Variants in CFAP251 observed in about 807,000 individuals in gnomAD.
CFAP251 encodes the protein cilia- and flagella-associated protein 251.
In CFAP251, 93 loss-of-function variants were observed where a neutral mutation model predicts 126.7. That is an observed-to-expected ratio of 0.73 (90% CI 0.62 to 0.87). The LOEUF is 0.87. CFAP251 is among the 40% of genes least tolerant of loss of function. The probability of loss-of-function intolerance (pLI) is 0.00; values close to 1 mark genes in which losing one functional copy is unlikely to be tolerated. For synonymous variants in CFAP251, 503 were observed against 506.9 expected (o/e 0.99, Z 0.10); for missense variants, 1,287 against 1,389.2 (o/e 0.93, Z 1.17).
Position 121,975,538 on chromosome 12 carries a change from A to G in CFAP251, c.2863-4A>G, listed in dbSNP as rs767490452. The G allele has an allele frequency of 4.4e-6, 7 of 1,608,498 alleles. No individual in the cohort carries two copies. Among genetic ancestry groups the G allele is most frequent in the East Asian group, 2.2e-5 (1 of 44,876 alleles). On this transcript the variant is annotated splice_polypyrimidine_tract_variant and splice_region_variant and intron_variant, in intron 18 of 21. Transcript: ENST00000288912. ...TGTTGTGTTTCCGTTGTATTCCTAC[A>G]TAGGAGCTAGAAGACTACTTCTACT...
chr12:121,963,404 G>A (rs1365757374), intron 15 of CFAP251, among the ~76,000 whole-genome samples: 1 of 151,942 alleles, frequency 6.6e-6, no homozygotes. Context: ...TTGGCATTCA[G>A]GTGGGAACCC....
intron 19 of CFAP251, among the ~76,000 whole-genome samples, chr12:121,984,003 G>T (rs189119868): frequency 1.5e-4 from 23 of 152,296 alleles, no homozygotes; most frequent in Admixed American, 7.8e-4. Context: ...TCAGGAAGTT[G>T]CATGGAGTAT....
At chr12:121,988,800 A>T (rs1882810689) in intron 19 of CFAP251, among the ~76,000 whole-genome samples, 1 of 142,562 alleles carries the variant, frequency 7.0e-6, no homozygotes, top group Non-Finnish European at 1.5e-5. Flanking sequence ...CAATGGCGCG[A>T]TCTCGGCTCA....
intron 1 of CFAP251, among the ~76,000 whole-genome samples, chr12:121,920,597 C>T (rs1290994389): frequency 2.0e-5 from 3 of 152,044 alleles, no homozygotes; most frequent in African/African-American, 2.4e-5. Flanking sequence ...GGGGTTTCAC[C>T]GTGTTAGCCA....
chr12:121,944,213 C>A (rs1414981809), intron 7 of CFAP251, among the ~76,000 whole-genome samples: 2 of 152,180 alleles, frequency 1.3e-5, no homozygotes, highest in Non-Finnish European at 2.9e-5. Context: ...GCCTGACTTG[C>A]AGGATCTAAA....
intron 9 of CFAP251, 85 bp downstream of exon 9, chr12:121,951,615 T>C (rs968539370): frequency 6.0e-6 from 6 of 994,132 alleles, no homozygotes; most frequent in African/African-American, 1.6e-5. Flanking sequence ...CGGGCTACTC[T>C]TTGTACATCT....
chr12:121,979,658 A>C (rs1343556117), intron 19 of CFAP251, among the ~76,000 whole-genome samples: 2 of 138,156 alleles, frequency 1.4e-5, no homozygotes, highest in South Asian at 2.3e-4. Flanking sequence ...TCCGCCTCCC[A>C]GGTTCAAGCG....
Position 121,979,123 on chromosome 12 carries a change from G to C in CFAP251, c.3006+3438G>C, listed in dbSNP as rs533932529. ...AGAATCACCTGTTTTGTGTGCTCCA[G>C]GTACACAAAACTCATTTCTCGAGAA... On this transcript the variant is annotated intron_variant, in intron 19 of 21. Coordinates refer to ENST00000288912, the MANE Select transcript of CFAP251 (RefSeq NM_144668.6). Among the ~76,000 whole-genome samples, 369 of 152,134 alleles carry C rather than the reference G, an allele frequency of 2.4e-3. 3 individuals are homozygous for C. The highest frequency in any genetic ancestry group is 8.6e-3 in the African/African-American group (359 of 41,512).
chr12:121,956,686 G>A (rs1881738335), intron 10 of CFAP251, among the ~76,000 whole-genome samples: 1 of 152,044 alleles, frequency 6.6e-6, no homozygotes, highest in Non-Finnish European at 1.5e-5. Context: ...AGTAGAGGCG[G>A]GGTTTCACCA....
At chr12:121,920,902 G>A (rs1880142263) in intron 1 of CFAP251, among the ~76,000 whole-genome samples, 1 of 151,530 alleles carries the variant, frequency 6.6e-6, no homozygotes, top group Non-Finnish European at 1.5e-5. Flanking sequence ...AGGCTGGAGT[G>A]CAATGGTATG....
chr12:121,979,341 G>C (rs1275768905), intron 19 of CFAP251, among the ~76,000 whole-genome samples: 4 of 152,270 alleles, frequency 2.6e-5, no homozygotes, highest in South Asian at 2.1e-4. Context: ...ATTTTCCAAA[G>C]AGTGTTCCCT....
intron 20 of CFAP251, among the ~76,000 whole-genome samples, chr12:122,000,331 T>G (rs1883119109): frequency 6.6e-6 from 1 of 151,798 alleles, no homozygotes; most frequent in African/African-American, 2.4e-5. Flanking sequence ...GCGGGCGGAT[T>G]GCTTGAGGTC....
chr12:121,941,330 C>CCTT lies in CFAP251; in HGVS notation c.999-1204_999-1203insCTT, dbSNP rs369768575. Among the ~76,000 whole-genome samples the CCTT allele has an allele frequency of 3.5e-3, 308 of 87,704 alleles. 2 individuals are homozygous for CCTT. The highest frequency in any genetic ancestry group is 0.015 in the African/African-American group (289 of 19,138). The allele number at this position is 87,704 out of a possible 152,430, so 57.5% of individuals were successfully genotyped here. On this transcript the variant is annotated intron_variant, in intron 5 of 21. Coordinates refer to ENST00000288912, the MANE Select transcript of CFAP251 (RefSeq NM_144668.6). The stretch of plus-strand genomic sequence containing the variant: ...TACAGGTGTGAGCCACCATGCTGGC[C>CCTT]TTTTTTTTTTTTTTTTTTTTTGAGG...
intron 7 of CFAP251, 61 bp from the exon 8 acceptor site, chr12:121,948,923 A>AT (rs1210163639): frequency 2.0e-6 from 2 of 979,666 alleles, no homozygotes. Flanking sequence ...TAATTTTAAC[A>AT]TTCAGCTTAA....
chr12:121,967,001 C>A lies in CFAP251; in HGVS notation c.2539C>A (p.Gln847Lys). The A allele has an allele frequency of 6.2e-7, 1 of 1,614,246 alleles. No individual in the cohort carries two copies. Among genetic ancestry groups the A allele is most frequent in the Non-Finnish European group, 8.5e-7 (1 of 1,180,050 alleles). ...PAYGSPIEQT[Q>K]VLPVRSMAEL... ...TTATGGTTCCCCTATTGAGCAGACA[C>A]AAGTCCTCCCAGTGAGAAGCATGGC... The change falls in exon 16 of 22, where the codon CAA becomes AAA. Residue 847 changes from glutamine (Q) to lysine (K), a missense_variant. Transcript: ENST00000288912.
At chr12:121,971,646 A>G (rs1472129620) in intron 17 of CFAP251, 3 of 702,612 alleles carry the variant, frequency 4.3e-6, no homozygotes, top group Non-Finnish European at 7.8e-6. Flanking sequence ...CAAGCAATGG[A>G]GGAGGCAGTG....
intron 4 of CFAP251, among the ~76,000 whole-genome samples, chr12:121,933,919 C>T (rs1288314269): frequency 6.6e-6 from 1 of 152,074 alleles, no homozygotes; most frequent in Non-Finnish European, 1.5e-5. Context: ...GAGAAGAGGC[C>T]GGCAGCGTGA....
At chr12:121,951,384 T>C (rs969871225) in intron 8 of CFAP251, 96 bp from the exon 9 acceptor site, 3 of 765,070 alleles carry the variant, frequency 3.9e-6, no homozygotes, top group Non-Finnish European at 6.1e-6. Context: ...ATTTCTGACC[T>C]TGTTTAGATG....
At chr12:121,969,323 G>C in intron 17 of CFAP251, 1 of 985,410 alleles carries the variant, frequency 1.0e-6, no homozygotes, top group Non-Finnish European at 1.2e-6. Context: ...TCACCTGAGA[G>C]AGCAGATCTT....
Sources: allele counts gnomAD v4.1 joint callset (sites outside exome capture counted in the v4.1 genomes callset), GRCh38; gene constraint gnomAD v4.1.1; transcripts MANE v1.5; gene names NCBI Gene and HGNC (gene_info 2026-07-23, HGNC 2026-07-21).